Variants in CSMD2 observed in about 807,000 individuals in gnomAD.
CSMD2 encodes the protein CUB and Sushi multiple domains 2.
A neutral mutation model predicts 398.5 loss-of-function variants in CSMD2; 130 were observed. That is an observed-to-expected ratio of 0.33 (90% CI 0.28 to 0.38). CSMD2 has a LOEUF of 0.38. Among genes scored for constraint, CSMD2 ranks in the 10% least tolerant of loss-of-function variants. The pLI, the probability that CSMD2 is intolerant of heterozygous loss-of-function variation, is 1.00. For synonymous variants in CSMD2, 1,828 were observed against 1,908.5 expected, an observed-to-expected ratio of 0.96 and a Z score of 1.10; for missense variants, 3,829 against 4,764.9, an observed-to-expected ratio of 0.80 and a Z score of 5.78.
Position 33,714,610 on chromosome 1 carries a change from C to T in CSMD2, c.3383G>A (p.Ser1128Asn), listed in dbSNP as rs767482288. 1.9e-6 allele frequency: 3 copies of T among 1,613,904 alleles called. No individual in the cohort carries two copies. The highest frequency in any genetic ancestry group is 3.3e-5 in the Admixed American group (2 of 60,022). ...TCLGGRRRLW[S>N]SPLPRCVAEC... ...ACCAACACACCTTGGCAGAGGCGAG[C>T]TCCACAGGCGCCGTCTGCCCCCCAG... is the stretch of plus-strand genomic sequence containing the variant. The change falls in exon 21 of 71, where the codon AGC becomes AAC. Residue 1128 changes from serine to asparagine, a missense_variant. Physicochemically the swap from Ser to Asn is conservative, Grantham distance 46. This residue lies in a region of CSMD2 where 2,001 missense variants were observed against 2,567.1 expected (regional missense o/e 0.78). Coordinates refer to ENST00000373381, the MANE Select transcript of CSMD2 (RefSeq NM_001281956.2).
At chr1:33,683,409 A>C (rs905506904) in intron 25 of CSMD2, among the ~76,000 whole-genome samples, 16 of 152,184 alleles carry the variant, frequency 1.1e-4, no homozygotes, top group African/African-American at 3.9e-4. Flanking sequence ...GCATCATACA[A>C]GTTTATTTTA....
chr1:33,883,101 T>C lies in CSMD2; in HGVS notation c.920+34993A>G, dbSNP rs190670727. ...TATTCCATTTTATTACAAAGATCTT[T>C]GCACTGAGTCAAGGTTTGACTCCTG... is the stretch of plus-strand genomic sequence containing the variant. On this transcript the variant is annotated intron_variant, in intron 5 of 70. Transcript: ENST00000373381. Among the ~76,000 whole-genome samples, 209 of 152,320 alleles carry C rather than the reference T, an allele frequency of 1.4e-3. 1 individual carries two copies. The highest frequency in any genetic ancestry group is 3.3e-3 in the Admixed American group (51 of 15,310).
At chr1:34,085,601 T>A (rs1445384989) in intron 2 of CSMD2, among the ~76,000 whole-genome samples, 1 of 152,038 alleles carries the variant, frequency 6.6e-6, no homozygotes, top group Non-Finnish European at 1.5e-5. Flanking sequence ...TAAAACAAGA[T>A]GGTGAGAGGA....
rs760172959 is a variant in CSMD2, at chr1:33,569,503, T to C, written c.8002A>G (p.Ile2668Val). 1.2e-6 allele frequency: 2 copies of C among 1,614,216 alleles called. No individual in the cohort carries two copies. Among genetic ancestry groups the C allele is most frequent in the Non-Finnish European group, 1.7e-6 (2 of 1,180,038 alleles). The stretch of plus-strand genomic sequence containing the variant: ...GCCCCGTAGACAGACAGTGTTCCGA[T>C]GCGGTGGCCATTGGGGGGAATCGGG... ...ELPIPPNGHRIGTLSVYGATA... is the reference protein window; with the variant it reads ...ELPIPPNGHRVGTLSVYGATA... Residue 2668 changes from isoleucine to valine, a missense_variant, in exon 52 of 71, where the codon ATC (isoleucine) becomes GTC (valine). Coordinates refer to ENST00000373381, the MANE Select transcript of CSMD2 (RefSeq NM_001281956.2).
intron 21 of CSMD2, chr1:33,709,651 G>C (rs2149153351): frequency 6.2e-6 from 2 of 322,388 alleles, no homozygotes; most frequent in South Asian, 2.3e-4. Flanking sequence ...GCAGTTAAGT[G>C]AGGAGAGATG....
At chr1:34,140,651 G>A (rs2148523787) in intron 1 of CSMD2, among the ~76,000 whole-genome samples, 1 of 152,296 alleles carries the variant, frequency 6.6e-6, no homozygotes, top group Non-Finnish European at 1.5e-5. Context: ...ATGGGGAACT[G>A]AGGCCTAAAG....
intron 3 of CSMD2, among the ~76,000 whole-genome samples, chr1:34,010,611 T>G (rs937130789): frequency 6.6e-6 from 1 of 151,748 alleles, no homozygotes; most frequent in African/African-American, 2.4e-5. Context: ...CTCTTGATTT[T>G]TTTTTTCTTT....
Position 33,624,503 on chromosome 1 carries a change from GC to G in CSMD2, c.5625+15del. On this transcript the variant is annotated intron_variant, in intron 35 of 70. Coordinates refer to ENST00000373381, the MANE Select transcript of CSMD2 (RefSeq NM_001281956.2). This position sits in a 1 kb window ranked among gnomAD's most constrained non-coding sequence, Gnocchi z 4.7. The stretch of plus-strand genomic sequence containing the variant: ...AGACGGCCACCTGCCCGACCGAGGC[GC>G]CCCCTTGCCCCTACCTGGATGCCAG... 6.2e-7 allele frequency: 1 copy of G among 1,611,306 alleles called. No homozygotes were observed.
intron 21 of CSMD2, chr1:33,709,506 C>G: frequency 2.0e-6 from 1 of 506,916 alleles, no homozygotes; most frequent in Non-Finnish European, 3.4e-6. Flanking sequence ...CTGTCTCTCT[C>G]CTACAGAAAC....
chr1:33,976,246 G>A (rs1390682299), intron 3 of CSMD2, among the ~76,000 whole-genome samples: 4 of 152,222 alleles, frequency 2.6e-5, no homozygotes, highest in African/African-American at 9.6e-5. Context: ...CAGGGCCAGA[G>A]TCATGCACAG....
intron 5 of CSMD2, among the ~76,000 whole-genome samples, chr1:33,881,936 C>T (rs1641266144): frequency 6.6e-6 from 1 of 152,060 alleles, no homozygotes; most frequent in African/African-American, 2.4e-5. Flanking sequence ...GCCACAGGTG[C>T]CAGTTTATGG....
chr1:34,057,469 C>T (rs1417064237), intron 2 of CSMD2, among the ~76,000 whole-genome samples: 1 of 152,152 alleles, frequency 6.6e-6, no homozygotes. Context: ...GGCAAACTGT[C>T]AGGACCCCTC....
intron 2 of CSMD2, among the ~76,000 whole-genome samples, chr1:34,046,130 T>C (rs2148205739): frequency 6.6e-6 from 1 of 152,352 alleles, no homozygotes; most frequent in East Asian, 1.9e-4. Context: ...ATCATATCTT[T>C]GCAAAGCTTT....
chr1:34,047,075 A>C (rs1487022912), intron 2 of CSMD2, among the ~76,000 whole-genome samples: 1 of 152,064 alleles, frequency 6.6e-6, no homozygotes, highest in Non-Finnish European at 1.5e-5. Flanking sequence ...CCCTTCCAAA[A>C]GCATCCCACT....
chr1:33,572,266 G>A (rs1179974831), intron 50 of CSMD2, among the ~76,000 whole-genome samples: 2 of 152,148 alleles, frequency 1.3e-5, no homozygotes, highest in African/African-American at 4.8e-5. Context: ...AAAAGGGAGT[G>A]GACCAGGCCA....
chr1:33,881,045 C>A (rs982664931), intron 5 of CSMD2, among the ~76,000 whole-genome samples: 2 of 152,208 alleles, frequency 1.3e-5, no homozygotes, highest in Admixed American at 1.3e-4. Flanking sequence ...GGCACATTTT[C>A]TGCTCTTAAT....
rs553458105 is a variant in CSMD2 at position 33,672,598 on chromosome 1, A to G, written c.4053-9506T>C. Among the ~76,000 whole-genome samples, 9 of 152,336 alleles carry G rather than the reference A, an allele frequency of 5.9e-5. No homozygotes were observed. In the South Asian group the frequency reaches 6.2e-4, roughly 11 times the overall value. On this transcript the variant is annotated intron_variant, in intron 25 of 70. Coordinates refer to ENST00000373381, the MANE Select transcript of CSMD2 (RefSeq NM_001281956.2). ...GCAGACTTAAATGTCCCTGTCTGAC[A>G]GCTATGAAGAGAGTAGTGGTTCTCC...
intron 2 of CSMD2, among the ~76,000 whole-genome samples, chr1:34,082,414 T>TG (rs1657329075): frequency 6.7e-6 from 1 of 148,512 alleles, no homozygotes; most frequent in Non-Finnish European, 1.5e-5. Flanking sequence ...GTCTGGGAGG[T>TG]GGGGGGCGCC....
chr1:34,043,677 A>G (rs1652142662), intron 2 of CSMD2, among the ~76,000 whole-genome samples: 1 of 152,234 alleles, frequency 6.6e-6, no homozygotes, highest in African/African-American at 2.4e-5. Context: ...GCCAGCTTAC[A>G]AGTATAATCC....
Sources: allele counts gnomAD v4.1 joint callset (sites outside exome capture counted in the v4.1 genomes callset), GRCh38; gene constraint gnomAD v4.1.1; regional missense constraint gnomAD v4.1.1; non-coding constraint Gnocchi (gnomAD v3.1); transcripts MANE v1.5; gene names NCBI Gene and HGNC (gene_info 2026-07-23, HGNC 2026-07-21).